LHFPL6: variants seen among roughly 807,000 people sequenced by gnomAD.
The protein encoded by LHFPL6 is LHFPL tetraspan subfamily member 6.
In LHFPL6, 9 loss-of-function variants were observed where a neutral mutation model predicts 20.6. The observed-to-expected ratio is 0.44, with a 90% CI of 0.26 to 0.76. LHFPL6 has a LOEUF of 0.76. LHFPL6 is among the 30% of genes least tolerant of loss of function. The pLI is 0.20. For missense variants in LHFPL6, 218 were observed against 253.5 expected, an observed-to-expected ratio of 0.86 and a Z score of 0.95; for synonymous variants, 105 against 98.7, an observed-to-expected ratio of 1.06 and a Z score of -0.38.
chr13:39,349,001 A>G (rs573888779), intron 3 of LHFPL6, among the ~76,000 whole-genome samples: 1 of 152,322 alleles, frequency 6.6e-6, no homozygotes, highest in Non-Finnish European at 1.5e-5. Context: ...ATAGCAGAAA[A>G]TGTTTGAGGA....
intron 2 of LHFPL6, among the ~76,000 whole-genome samples, chr13:39,593,648 A>G: frequency 6.6e-6 from 1 of 152,124 alleles, no homozygotes; most frequent in Non-Finnish European, 1.5e-5. Context: ...AAAAGAGCCC[A>G]CATTGCCAAG....
intron 2 of LHFPL6, among the ~76,000 whole-genome samples, chr13:39,472,083 G>T (rs1305833347): frequency 6.6e-6 from 1 of 152,178 alleles, no homozygotes; most frequent in Non-Finnish European, 1.5e-5. Flanking sequence ...CAGAACCTGA[G>T]ATTTTCACCT....
At chr13:39,365,360 A>C (rs2138348532) in intron 3 of LHFPL6, among the ~76,000 whole-genome samples, 1 of 152,322 alleles carries the variant, frequency 6.6e-6, no homozygotes, top group Non-Finnish European at 1.5e-5. Flanking sequence ...ATCCGGTTAC[A>C]TACCTAGAGA....
At chr13:39,583,906 T>A (rs1421472111) in intron 2 of LHFPL6, among the ~76,000 whole-genome samples, 2 of 152,012 alleles carry the variant, frequency 1.3e-5, no homozygotes, top group African/African-American at 4.8e-5. Context: ...ACTTGCTCCC[T>A]CACACCCAAG....
chr13:39,352,624 G>T (rs1869598298), intron 3 of LHFPL6, among the ~76,000 whole-genome samples: 3 of 151,964 alleles, frequency 2.0e-5, no homozygotes, highest in African/African-American at 7.3e-5. Flanking sequence ...TAGTGTCTGA[G>T]TCAGGATATG....
rs547518577 is a variant in LHFPL6, at chr13:39,585,099, C to T, written c.385+15733G>A. ...CCCCAATACACCCATATGGAAGGTGCATTAGTAGATTACTGAGAGGGCAAA... is the reference window on the plus strand; with the variant it reads ...CCCCAATACACCCATATGGAAGGTGTATTAGTAGATTACTGAGAGGGCAAA... On this transcript the variant is annotated intron_variant, in intron 2 of 3. Transcript: ENST00000379589. 9.2e-5 allele frequency among the ~76,000 whole-genome samples: 14 copies of T among 152,284 alleles called. No individual in the cohort carries two copies. In the South Asian group the frequency reaches 2.5e-3, roughly 27 times the overall value.
intron 2 of LHFPL6, among the ~76,000 whole-genome samples, chr13:39,542,824 G>A (rs9315700): frequency 0.5 from 76,749 of 152,090 alleles, 19,601 homozygotes; most frequent in Admixed American, 0.61. Flanking sequence ...TGAACAGGAC[G>A]TGTCTCCAAG....
intron 2 of LHFPL6, among the ~76,000 whole-genome samples, chr13:39,453,791 G>C (rs73462804): frequency 6.6e-6 from 1 of 152,274 alleles, no homozygotes; most frequent in African/African-American, 2.4e-5. Flanking sequence ...ACAAATTACT[G>C]CAATGTGTAT....
At chr13:39,395,243 G>A (rs184520921) in intron 2 of LHFPL6, among the ~76,000 whole-genome samples, 19 of 152,286 alleles carry the variant, frequency 1.2e-4, no homozygotes, top group Non-Finnish European at 2.2e-4. Context: ...AGGGCTTCAA[G>A]GGAGGCATAA....
chr13:39,504,981 C>A (rs1869424497), intron 2 of LHFPL6, among the ~76,000 whole-genome samples: 1 of 152,162 alleles, frequency 6.6e-6, no homozygotes, highest in Admixed American at 6.5e-5. Context: ...ACTACAACTA[C>A]AATTTCTAGT....
intron 2 of LHFPL6, among the ~76,000 whole-genome samples, chr13:39,536,289 AAGG>A (rs1396408564): frequency 6.6e-6 from 1 of 152,186 alleles, no homozygotes; most frequent in Non-Finnish European, 1.5e-5. Context: ...GAATGCAGAG[AAGG>A]AGGAGTCATA....
At chr13:39,393,863 A>AT (rs1175308810) in intron 2 of LHFPL6, among the ~76,000 whole-genome samples, 2 of 152,038 alleles carry the variant, frequency 1.3e-5, no homozygotes, top group East Asian at 3.9e-4. Context: ...GCAAATAGCC[A>AT]TTTTTCACGG....
At chr13:39,460,637 C>T (rs892930279) in intron 2 of LHFPL6, among the ~76,000 whole-genome samples, 1 of 152,190 alleles carries the variant, frequency 6.6e-6, no homozygotes, top group Non-Finnish European at 1.5e-5. Context: ...ACAGTGTTGG[C>T]TATTTTGAGA....
At chr13:39,349,865 T>A (rs1388242983) in intron 3 of LHFPL6, among the ~76,000 whole-genome samples, 1 of 152,100 alleles carries the variant, frequency 6.6e-6, no homozygotes, top group Non-Finnish European at 1.5e-5. Flanking sequence ...CAGACAGATT[T>A]GGGTCTTGCT....
At chr13:39,401,068 C>T (rs1249347692) in intron 2 of LHFPL6, among the ~76,000 whole-genome samples, 2 of 152,124 alleles carry the variant, frequency 1.3e-5, no homozygotes, top group Non-Finnish European at 2.9e-5. Context: ...GCTTATGTGA[C>T]ATTAAATTCC....
chr13:39,519,847 GA>G (rs35876028), intron 2 of LHFPL6, among the ~76,000 whole-genome samples: 9,427 of 151,992 alleles, frequency 0.062, 342 homozygotes, highest in South Asian at 0.11. Context: ...ACCAAGGGGG[GA>G]AAAAAATAAT....
chr13:39,453,212 T>TC (rs1872493969), intron 2 of LHFPL6, among the ~76,000 whole-genome samples: 1 of 152,174 alleles, frequency 6.6e-6, no homozygotes, highest in South Asian at 2.1e-4. Context: ...AAACTACATT[T>TC]AAGTGATGGC....
intron 2 of LHFPL6, among the ~76,000 whole-genome samples, chr13:39,429,065 T>C (rs1871260606): frequency 6.6e-6 from 1 of 152,172 alleles, no homozygotes; most frequent in African/African-American, 2.4e-5. Context: ...AGACTTGTTT[T>C]ATCATACATA....
At chr13:39,582,833 C>T (rs904915212) in intron 2 of LHFPL6, among the ~76,000 whole-genome samples, 3 of 152,160 alleles carry the variant, frequency 2.0e-5, no homozygotes, top group Non-Finnish European at 2.9e-5. Context: ...CAGACATCGT[C>T]ATATTTAAGT....
Sources: allele counts gnomAD v4.1 joint callset (sites outside exome capture counted in the v4.1 genomes callset), GRCh38; gene constraint gnomAD v4.1.1; transcripts MANE v1.5; gene names NCBI Gene and HGNC (gene_info 2026-07-23, HGNC 2026-07-21).